NT5C2: variants seen among roughly 807,000 people sequenced by gnomAD.
The protein encoded by NT5C2 is cytosolic purine 5'-nucleotidase.
NT5C2 carries 58 observed loss-of-function variants against 76.1 expected under a neutral mutation model. The ratio of observed to expected loss-of-function variants is 0.76; its 90% confidence interval spans 0.62 to 0.95. The LOEUF (loss-of-function observed/expected upper bound fraction) is 0.95, where lower values mean the gene tolerates loss of function less well. Ranked by LOEUF, NT5C2 falls within the 40% of genes least tolerant of loss-of-function variation. The pLI, the probability that NT5C2 is intolerant of heterozygous loss-of-function variation, is 0.00. For missense variants in NT5C2, 478 were observed against 690.3 expected, an observed-to-expected ratio of 0.69 and a Z score of 3.45; for synonymous variants, 229 against 237.4, an observed-to-expected ratio of 0.96 and a Z score of 0.32.
At position 103,101,289 on chromosome 10, in the gene NT5C2, G is replaced by A; in HGVS notation, c.427C>T (p.Gln143Ter). Residue 143 changes from glutamine to a stop codon, truncating the protein, a stop_gained, in exon 7 of 19, where the codon CAG becomes TAG. Coordinates refer to ENST00000404739, the MANE Select transcript of NT5C2 (RefSeq NM_001351169.2). LOFTEE classifies it high-confidence loss of function. Reference protein sequence around the residue: ...TREQYPNKFIQRDDTERFYIL... With the variant: ...TREQYPNKFI ...TAAAATCTTTCAGTATCATCTCGCT[G>A]GATAAATTTATTTGGATACTGTTCT... The A allele has an allele frequency of 6.2e-7, 1 of 1,608,156 alleles. No individual in the cohort carries two copies. Among genetic ancestry groups the A allele is most frequent in the Non-Finnish European group, 8.5e-7 (1 of 1,175,630 alleles).
chr10:103,119,370 C>CA (rs1216836737), intron 4 of NT5C2, among the ~76,000 whole-genome samples: 1 of 151,508 alleles, frequency 6.6e-6, no homozygotes, highest in Non-Finnish European at 1.5e-5. Flanking sequence ...ATTTTGTCTC[C>CA]AAAAAAAAGT....
chr10:103,124,211 AT>A (rs5787481), intron 4 of NT5C2, among the ~76,000 whole-genome samples: 47,564 of 148,724 alleles, frequency 0.32, 7,454 homozygotes, highest in Middle Eastern at 0.38. Flanking sequence ...GTCATAAAGA[AT>A]TTTTTTTTTT....
At chr10:103,190,512 T>C (rs541679672) in intron 1 of NT5C2, among the ~76,000 whole-genome samples, 29 of 152,200 alleles carry the variant, frequency 1.9e-4, no homozygotes, top group Non-Finnish European at 3.7e-4. Flanking sequence ...TGTGTGCCAG[T>C]ATCACTTCAA....
intron 6 of NT5C2, among the ~76,000 whole-genome samples, chr10:103,104,584 A>C (rs1315235346): frequency 6.6e-6 from 1 of 152,222 alleles, no homozygotes; most frequent in Non-Finnish European, 1.5e-5. Context: ...CAGTGAAAGA[A>C]ATGTGGATGT....
intron 4 of NT5C2, among the ~76,000 whole-genome samples, chr10:103,136,341 G>C (rs2079232892): frequency 6.6e-6 from 1 of 152,204 alleles, no homozygotes; most frequent in African/African-American, 2.4e-5. Flanking sequence ...ATGTAAAATG[G>C]AGATGATAGT....
At chr10:103,108,715 T>G (rs1246300997) in intron 4 of NT5C2, among the ~76,000 whole-genome samples, 1 of 152,182 alleles carries the variant, frequency 6.6e-6, no homozygotes, top group Non-Finnish European at 1.5e-5. Context: ...TTGTCAGATT[T>G]TAAAACCAGA....
intron 3 of NT5C2, among the ~76,000 whole-genome samples, chr10:103,154,712 C>T (rs528021650): frequency 4.6e-5 from 7 of 152,282 alleles, no homozygotes; most frequent in Admixed American, 1.3e-4. Context: ...GATTATCAGG[C>T]ATTGCCTCAT....
intron 4 of NT5C2, among the ~76,000 whole-genome samples, chr10:103,137,933 G>C (rs181107776): frequency 6.6e-6 from 1 of 152,180 alleles, no homozygotes; most frequent in Admixed American, 6.5e-5. Context: ...TTTTTGTTTG[G>C]TTGGTTGGTT....
intron 1 of NT5C2, among the ~76,000 whole-genome samples, chr10:103,186,912 C>CAAA (rs34351688): frequency 1.1e-5 from 1 of 88,380 alleles, no homozygotes; most frequent in Non-Finnish European, 2.3e-5. Context: ...GACTCCGTCT[C>CAAA]AAAAAAAAAA....
intron 9 of NT5C2, among the ~76,000 whole-genome samples, 155 bp downstream of exon 9, chr10:103,099,771 G>A (rs1314139948): frequency 6.6e-6 from 1 of 151,826 alleles, no homozygotes; most frequent in East Asian, 1.9e-4. Context: ...CCAAAGACAA[G>A]AACAAATGTA....
chr10:103,164,615 GA>G (rs1344556826), intron 3 of NT5C2, among the ~76,000 whole-genome samples: 1 of 151,996 alleles, frequency 6.6e-6, no homozygotes, highest in Non-Finnish European at 1.5e-5. Context: ...AATAAATGAT[GA>G]AATAAATTGT....
chr10:103,102,565 C>T (rs1005766759), intron 6 of NT5C2, among the ~76,000 whole-genome samples: 2 of 149,838 alleles, frequency 1.3e-5, no homozygotes, highest in Admixed American at 6.7e-5. Flanking sequence ...CTCACTCTGT[C>T]GGCCAGGCTG....
At chr10:103,096,156 C>A (rs1006669616) in intron 11 of NT5C2, among the ~76,000 whole-genome samples, 176 bp from the exon 12 acceptor site, 4 of 152,078 alleles carry the variant, frequency 2.6e-5, no homozygotes, top group Non-Finnish European at 1.5e-5. Context: ...TAATGCTTTA[C>A]CATATACCAA....
rs528752157 is a variant in NT5C2 at position 103,174,645 on chromosome 10, C to T, written c.101+213G>A. On this transcript the variant is annotated intron_variant, in intron 3 of 18. Coordinates refer to ENST00000404739, the MANE Select transcript of NT5C2 (RefSeq NM_001351169.2). The stretch of plus-strand genomic sequence containing the variant: ...GGTGCAATTTTCTAGCAACCAAAGA[C>T]ATTTTTCTCTTAAATACTTTTACTA... Among the ~76,000 whole-genome samples the T allele has an allele frequency of 2.0e-5, 3 of 151,904 alleles. No homozygotes were observed. In the East Asian group the frequency reaches 5.8e-4, roughly 29 times the overall value.
intron 2 of NT5C2, chr10:103,175,669 C>T: frequency 4.3e-6 from 1 of 233,894 alleles, no homozygotes; most frequent in South Asian, 8.0e-5. Context: ...GCAATGAAGA[C>T]TTATCTCCCA....
chr10:103,138,520 G>A (rs1171487389), intron 4 of NT5C2, among the ~76,000 whole-genome samples: 1 of 152,142 alleles, frequency 6.6e-6, no homozygotes, highest in African/African-American at 2.4e-5. Flanking sequence ...TTATGAGTGA[G>A]AACATGCAGT....
intron 3 of NT5C2, among the ~76,000 whole-genome samples, chr10:103,164,298 G>A (rs1015904775): frequency 1.6e-4 from 24 of 151,696 alleles, no homozygotes; most frequent in African/African-American, 3.9e-4. Context: ...TCACTCTGTC[G>A]CCAGGCTGGA....
intron 3 of NT5C2, among the ~76,000 whole-genome samples, chr10:103,148,817 A>T (rs1310537472): frequency 1.3e-5 from 2 of 152,222 alleles, no homozygotes; most frequent in African/African-American, 4.8e-5. Flanking sequence ...ATTTAAGATG[A>T]TTAAGATTTA....
At chr10:103,123,301 T>C (rs78300202) in intron 4 of NT5C2, among the ~76,000 whole-genome samples, 17 of 152,130 alleles carry the variant, frequency 1.1e-4, no homozygotes, top group Non-Finnish European at 2.2e-4. Context: ...ATTTTTTTTT[T>C]CCTAAGTTCC....
Sources: gnomAD v4.1 joint callset for allele counts (sites outside exome capture counted in the v4.1 genomes callset) on GRCh38, gnomAD v4.1.1 for gene constraint, MANE v1.5 for transcripts, NCBI Gene and HGNC (gene_info 2026-07-23, HGNC 2026-07-21) for gene names.